The following TYR variants were observed in gnomAD, a reference collection of about 807,000 sequenced individuals.
TYR encodes tyrosinase.
In TYR, 58 loss-of-function variants were observed where a neutral mutation model predicts 51.5. That is an observed-to-expected ratio of 1.13 (90% CI 0.91 to 1.40). The LOEUF is 1.40. Ranked by LOEUF, TYR falls within the 40% of genes most tolerant of loss-of-function variation. The pLI is 0.00. For synonymous variants in TYR, 263 were observed against 235.2 expected (o/e 1.12, Z -1.08); for missense variants, 732 against 647.4 (o/e 1.13, Z -1.42).
At chr11:89,191,051 C>G in intron 1 of TYR, 151 bp from the exon 2 acceptor site, 1 of 708,966 alleles carries the variant, frequency 1.4e-6, no homozygotes, top group South Asian at 1.8e-5. Context: ...ATGGATTTCT[C>G]AGAACATATC....
intron 3 of TYR, among the ~76,000 whole-genome samples, chr11:89,238,417 A>C (rs534814555): frequency 2.8e-4 from 43 of 152,210 alleles, no homozygotes; most frequent in African/African-American, 1.0e-3. Flanking sequence ...TGGAAATGCT[A>C]CTGATTTCTG....
At chr11:89,277,495 G>A (rs1231132862) in intron 3 of TYR, among the ~76,000 whole-genome samples, 1 of 151,700 alleles carries the variant, frequency 6.6e-6, no homozygotes, top group Non-Finnish European at 1.5e-5. Context: ...CTAGAGGTTG[G>A]TGAGCTGACT....
At chr11:89,211,555 T>C (rs1331544201) in intron 2 of TYR, among the ~76,000 whole-genome samples, 3 of 152,030 alleles carry the variant, frequency 2.0e-5, no homozygotes, top group Non-Finnish European at 4.4e-5. Context: ...AGACAGAAAA[T>C]TAGCAAGGTT....
At chr11:89,208,382 AAGCAAGG>A (rs1943702233) in intron 2 of TYR, among the ~76,000 whole-genome samples, 1 of 152,360 alleles carries the variant, frequency 6.6e-6, no homozygotes. Context: ...TATTTCAGTC[AAGCAAGG>A]AGCAATACTT....
At chr11:89,200,619 G>C (rs182521417) in intron 2 of TYR, 36 of 145,364 alleles carry the variant, frequency 2.5e-4, no homozygotes, top group Admixed American at 2.2e-3. Flanking sequence ...AAATTAATTT[G>C]TTATGTGATA....
intron 2 of TYR, among the ~76,000 whole-genome samples, chr11:89,195,238 C>T (rs68008067): frequency 0.065 from 9,832 of 152,204 alleles, 390 homozygotes; most frequent in South Asian, 0.11. Flanking sequence ...GTATAATGCA[C>T]TTCCCATGGA....
chr11:89,250,468 T>C (rs536320957), intron 3 of TYR, among the ~76,000 whole-genome samples: 1 of 152,096 alleles, frequency 6.6e-6, no homozygotes, highest in Non-Finnish European at 1.5e-5. Flanking sequence ...GATAATCATA[T>C]CAAAAACATT....
chr11:89,275,889 T>C (rs1343819994), intron 3 of TYR, among the ~76,000 whole-genome samples: 11 of 151,892 alleles, frequency 7.2e-5, no homozygotes, highest in Non-Finnish European at 1.6e-4. Context: ...TAGGTTATAG[T>C]TCACAATGTA....
chr11:89,292,722 T>C lies in TYR; in HGVS notation c.1367-2421T>C, dbSNP rs1159916554. On this transcript the variant is annotated intron_variant, in intron 4 of 4. Transcript: ENST00000263321. ...AATCGAATATTGAAAAGACTGAGTC[T>C]ACCTGTAAGGAATGAGTTAAGGTAA... 2.0e-5 allele frequency among the ~76,000 whole-genome samples: 3 copies of C among 152,154 alleles called. No individual in the cohort carries two copies. In the East Asian group the frequency reaches 5.8e-4, roughly 29 times the overall value.
At chr11:89,180,484 TATTA>T (rs754215478) in intron 1 of TYR, among the ~76,000 whole-genome samples, 10 of 152,256 alleles carry the variant, frequency 6.6e-5, no homozygotes, top group Middle Eastern at 3.4e-3. Flanking sequence ...CCTAATTACT[TATTA>T]ATTGTCAAGC....
intron 3 of TYR, among the ~76,000 whole-genome samples, chr11:89,266,445 G>A (rs1944526627): frequency 6.6e-6 from 1 of 151,700 alleles, no homozygotes; most frequent in African/African-American, 2.4e-5. Context: ...TATTACCTCT[G>A]ATTTTTCTTA....
At chr11:89,245,828 A>G (rs897391988) in intron 3 of TYR, among the ~76,000 whole-genome samples, 5 of 151,972 alleles carry the variant, frequency 3.3e-5, no homozygotes, top group African/African-American at 9.7e-5. Flanking sequence ...AGGCTGAGGC[A>G]GGAGAATGGA....
chr11:89,178,225 G>A lies in TYR; in HGVS notation c.272G>A (p.Cys91Tyr), dbSNP rs137854890. Residue 91 changes from cysteine (C) to tyrosine (Y), a missense_variant, in exon 1 of 5, where the codon TGC (cysteine) becomes TAC (tyrosine). By Grantham distance (194) the Cys-to-Tyr change is radical. Coordinates refer to ENST00000263321, the MANE Select transcript of TYR (RefSeq NM_000372.5). ...GTCTTTTATAATAGGACCTGCCAGT[G>A]CTCTGGCAACTTCATGGGATTCAAC... Reference protein sequence around the residue: ...PSVFYNRTCQCSGNFMGFNCG... With the variant: ...PSVFYNRTCQYSGNFMGFNCG... 3 of 1,614,154 alleles carry A rather than the reference G, an allele frequency of 1.9e-6. No individual in the cohort carries two copies. In the South Asian group the frequency reaches 3.3e-5, roughly 18 times the overall value.
At chr11:89,241,739 T>C (rs1458900423) in intron 3 of TYR, among the ~76,000 whole-genome samples, 3 of 147,730 alleles carry the variant, frequency 2.0e-5, no homozygotes, top group Admixed American at 6.8e-5. Context: ...TAATATAATT[T>C]AATATATTAA....
At chr11:89,199,836 T>C (rs2135260419) in intron 2 of TYR, among the ~76,000 whole-genome samples, 1 of 152,314 alleles carries the variant, frequency 6.6e-6, no homozygotes, top group Middle Eastern at 3.4e-3. Context: ...TGATTTGAAC[T>C]CACTGCTGTG....
At chr11:89,228,405 T>A (rs1363820641) in intron 3 of TYR, among the ~76,000 whole-genome samples, 1 of 152,152 alleles carries the variant, frequency 6.6e-6, no homozygotes, top group African/African-American at 2.4e-5. Flanking sequence ...CCAGATAGGC[T>A]TTGTGGCCCC....
At chr11:89,286,653 G>C (rs1944791185) in intron 4 of TYR, among the ~76,000 whole-genome samples, 1 of 151,790 alleles carries the variant, frequency 6.6e-6, no homozygotes, top group African/African-American at 2.4e-5. Context: ...TAATTGAAAA[G>C]ATATGGGTTT....
chr11:89,245,829 G>C (rs1944259523), intron 3 of TYR, among the ~76,000 whole-genome samples: 2 of 152,166 alleles, frequency 1.3e-5, no homozygotes, highest in South Asian at 4.2e-4. Context: ...GGCTGAGGCA[G>C]GAGAATGGAG....
chr11:89,205,251 G>T (rs556161781), intron 2 of TYR, among the ~76,000 whole-genome samples: 1 of 152,114 alleles, frequency 6.6e-6, no homozygotes, highest in African/African-American at 2.4e-5. Context: ...AATTAAAAAG[G>T]CTCAAAGAGT....
Sources: allele counts gnomAD v4.1 joint callset (sites outside exome capture counted in the v4.1 genomes callset), GRCh38; gene constraint gnomAD v4.1.1; transcripts MANE v1.5; gene names NCBI Gene and HGNC (gene_info 2026-07-23, HGNC 2026-07-21).